The following ANKS1B variants were observed in gnomAD, a reference collection of about 807,000 sequenced individuals.
The protein encoded by ANKS1B is ankyrin repeat and sterile alpha motif domain-containing protein 1B.
Under a neutral mutation model 148.3 loss-of-function variants are expected in ANKS1B, and 36 were observed. The observed-to-expected ratio is 0.24, with a 90% CI of 0.19 to 0.32. ANKS1B has a LOEUF of 0.32. Ranked by LOEUF, ANKS1B falls within the 10% of genes least tolerant of loss-of-function variation. The pLI is 1.00. For missense variants in ANKS1B, 1,157 were observed against 1,542.6 expected (o/e 0.75, Z 4.19); for synonymous variants, 542 against 560.8 (o/e 0.97, Z 0.47).
intron 1 of ANKS1B, among the ~76,000 whole-genome samples, chr12:99,958,561 T>C (rs2095358280): frequency 6.6e-6 from 1 of 152,096 alleles, no homozygotes; most frequent in Non-Finnish European, 1.5e-5. Context: ...TTTTTTGTAT[T>C]GTTAGCAGAG....
intron 9 of ANKS1B, among the ~76,000 whole-genome samples, chr12:99,651,939 T>C (rs1021683083): frequency 6.6e-6 from 1 of 151,626 alleles, no homozygotes; most frequent in Non-Finnish European, 1.5e-5. Context: ...TGTACAAATA[T>C]ACTATATATA....
chr12:99,906,739 T>C (rs529434879), intron 1 of ANKS1B, among the ~76,000 whole-genome samples: 12 of 152,248 alleles, frequency 7.9e-5, no homozygotes, highest in Admixed American at 6.5e-5. Context: ...CAACTGCTTT[T>C]AAAAATTATA....
intron 8 of ANKS1B, among the ~76,000 whole-genome samples, chr12:99,684,659 A>G (rs1240075803): frequency 1.3e-5 from 2 of 152,116 alleles, no homozygotes; most frequent in Non-Finnish European, 2.9e-5. Flanking sequence ...GAAGCATCAC[A>G]TTACTTAACT....
At chr12:99,797,510 A>G (rs1424935410) in intron 4 of ANKS1B, among the ~76,000 whole-genome samples, 1 of 151,982 alleles carries the variant, frequency 6.6e-6, no homozygotes, top group South Asian at 2.1e-4. Context: ...TGCTTTTCTT[A>G]TGGATCAAAA....
chr12:99,563,163 T>C (rs1329447587), intron 9 of ANKS1B, among the ~76,000 whole-genome samples: 1 of 152,208 alleles, frequency 6.6e-6, no homozygotes, highest in Non-Finnish European at 1.5e-5. Flanking sequence ...ACATCAGCAG[T>C]AAGGTTTTTT....
chr12:99,446,945 G>T (rs2095646720), intron 10 of ANKS1B, among the ~76,000 whole-genome samples: 1 of 151,974 alleles, frequency 6.6e-6, no homozygotes, highest in African/African-American at 2.4e-5. Context: ...TTAGATTCTG[G>T]ACATGTGTTG....
chr12:99,733,083 AT>A (rs934318176), intron 8 of ANKS1B, among the ~76,000 whole-genome samples: 1 of 151,036 alleles, frequency 6.6e-6, no homozygotes, highest in Non-Finnish European at 1.5e-5. Flanking sequence ...ATAAACTGGG[AT>A]TTTTTTCAGC....
chr12:99,897,988 T>A (rs143719600), intron 1 of ANKS1B, among the ~76,000 whole-genome samples: 1 of 141,022 alleles, frequency 7.1e-6, no homozygotes, highest in Non-Finnish European at 1.7e-5. Flanking sequence ...AATATTTAGA[T>A]AGAAGTACAA....
intron 17 of ANKS1B, among the ~76,000 whole-genome samples, chr12:98,843,424 C>T (rs1330439459): frequency 6.6e-6 from 1 of 152,226 alleles, no homozygotes; most frequent in Non-Finnish European, 1.5e-5. Flanking sequence ...TGTTGTGATA[C>T]AACACCAGAA....
intron 12 of ANKS1B, among the ~76,000 whole-genome samples, chr12:99,339,235 G>A (rs2089495626): frequency 6.6e-6 from 1 of 152,156 alleles, no homozygotes; most frequent in Non-Finnish European, 1.5e-5. Flanking sequence ...TCTGACTAGG[G>A]ATGCTCTAAG....
intron 15 of ANKS1B, among the ~76,000 whole-genome samples, chr12:99,098,619 CTTTTTTTTTTTT>C (rs71081896): frequency 1.6e-3 from 50 of 32,094 alleles, no homozygotes; most frequent in Admixed American, 4.0e-3. Flanking sequence ...CTAGGAACTA[CTTTTTTTTTTTT>C]TTTTTTTTTT....
chr12:99,479,539 G>C (rs551599076), intron 10 of ANKS1B, among the ~76,000 whole-genome samples: 1 of 152,056 alleles, frequency 6.6e-6, no homozygotes, highest in East Asian at 1.9e-4. Context: ...GAATACTGTT[G>C]AGCCTTAATA....
intron 10 of ANKS1B, among the ~76,000 whole-genome samples, chr12:99,493,990 C>T (rs10860446): frequency 0.45 from 68,922 of 151,832 alleles, 16,416 homozygotes; most frequent in African/African-American, 0.62. Flanking sequence ...GGACTGTTTA[C>T]GAGCCTTGAG....
intron 10 of ANKS1B, among the ~76,000 whole-genome samples, chr12:99,495,961 A>G (rs2096600311): frequency 6.6e-6 from 1 of 152,228 alleles, no homozygotes; most frequent in South Asian, 2.1e-4. Flanking sequence ...TATTCACCAG[A>G]TGGCATTTTC....
intron 9 of ANKS1B, among the ~76,000 whole-genome samples, chr12:99,590,798 T>A (rs779796755): frequency 1.3e-5 from 2 of 152,210 alleles, no homozygotes; most frequent in East Asian, 3.8e-4. Flanking sequence ...AATTTCTTTT[T>A]CAAATTTACT....
rs1025067200 is a variant in ANKS1B, at chr12:98,895,341, G to A, written c.2779-63205C>T. On this transcript the variant is annotated intron_variant, in intron 17 of 26. Transcript: ENST00000683438. The stretch of plus-strand genomic sequence containing the variant: ...CCTCCGCGCACTCCGGGAGGCCGCC[G>A]GGGCGGTAGCAGCGGCGCGGCTCCG... 3.1e-6 allele frequency: 3 copies of A among 983,130 alleles called. No individual in the cohort carries two copies. The Middle Eastern group carries it at 1.6e-3, about 515-fold the overall frequency. The allele number at this position is 983,130 out of a possible 1,614,324, so 60.9% of individuals were successfully genotyped here.
chr12:98,824,960 C>T (rs762715211), intron 19 of ANKS1B, among the ~76,000 whole-genome samples: 4 of 151,930 alleles, frequency 2.6e-5, no homozygotes, highest in Non-Finnish European at 4.4e-5. Flanking sequence ...TATTATGGCA[C>T]ATGAGAAATT....
chr12:99,941,084 T>G (rs1010917266), intron 1 of ANKS1B, among the ~76,000 whole-genome samples: 11 of 152,126 alleles, frequency 7.2e-5, no homozygotes. Context: ...GAATATCTGG[T>G]ATGTCACAGA....
Position 98,801,175 on chromosome 12 carries a change from A to C in ANKS1B, c.3142-50T>G. On this transcript the variant is annotated intron_variant, in intron 20 of 26. Transcript: ENST00000683438. This position sits in a 1 kb window ranked among gnomAD's most constrained non-coding sequence, Gnocchi z 5.2. The stretch of plus-strand genomic sequence containing the variant: ...GCAATATGAGCAGTCAGCAAAGTTC[A>C]TTCCCTGTAGCTACCCTGAGCTCAC... 6.3e-7 allele frequency: 1 copy of C among 1,598,712 alleles called. No homozygotes were observed.
Sources: allele counts gnomAD v4.1 joint callset (sites outside exome capture counted in the v4.1 genomes callset), GRCh38; gene constraint gnomAD v4.1.1; non-coding constraint Gnocchi (gnomAD v3.1); transcripts MANE v1.5; gene names NCBI Gene and HGNC (gene_info 2026-07-23, HGNC 2026-07-21).